The following GPATCH8 variants were observed in gnomAD, a reference collection of about 807,000 sequenced individuals.
GPATCH8 encodes G-patch domain containing 8.
A neutral mutation model predicts 118.3 loss-of-function variants in GPATCH8; 18 were observed. That is an observed-to-expected ratio of 0.15 (90% CI 0.11 to 0.23). The LOEUF (loss-of-function observed/expected upper bound fraction) is 0.23, where lower values mean the gene tolerates loss of function less well. GPATCH8 is among the 10% of genes least tolerant of loss of function. The probability of loss-of-function intolerance (pLI) is 1.00; values close to 1 mark genes in which losing one functional copy is unlikely to be tolerated. For missense variants in GPATCH8, 1,631 were observed against 1,873.8 expected (o/e 0.87, Z 2.39); for synonymous variants, 659 against 684.7 (o/e 0.96, Z 0.59).
chr17:44,421,848 C>T (rs780313535), intron 6 of GPATCH8, among the ~76,000 whole-genome samples: 1 of 151,510 alleles, frequency 6.6e-6, no homozygotes, highest in Non-Finnish European at 1.5e-5. Flanking sequence ...TGCCTCGAAC[C>T]CCCAAGCAGC....
chr17:44,485,833 C>T (rs762570631), intron 1 of GPATCH8, among the ~76,000 whole-genome samples: 17 of 152,172 alleles, frequency 1.1e-4, no homozygotes, highest in Non-Finnish European at 2.9e-5. Flanking sequence ...TTCTTTAAGT[C>T]CAGGTACTCT....
chr17:44,456,005 C>T (rs1442567443), intron 3 of GPATCH8, among the ~76,000 whole-genome samples: 1 of 152,196 alleles, frequency 6.6e-6, no homozygotes, highest in African/African-American at 2.4e-5. Context: ...CCTCGGCCTC[C>T]CAAAGTGCTG....
chr17:44,481,720 T>C (rs1188621137), intron 1 of GPATCH8, among the ~76,000 whole-genome samples: 1 of 152,220 alleles, frequency 6.6e-6, no homozygotes, highest in African/African-American at 2.4e-5. Context: ...AGGCTAAATA[T>C]TTCTGTATTT....
chr17:44,486,604 T>A (rs534575025), intron 1 of GPATCH8: 2 of 152,208 alleles, frequency 1.3e-5, no homozygotes, highest in African/African-American at 4.8e-5. Context: ...TTTTTTAGTA[T>A]ATTGTGGCCC....
At chr17:44,502,128 C>G (rs1970113406) in intron 1 of GPATCH8, among the ~76,000 whole-genome samples, 1 of 152,150 alleles carries the variant, frequency 6.6e-6, no homozygotes, top group African/African-American at 2.4e-5. Context: ...CATAAGCGTT[C>G]TATGTACTAG....
chr17:44,410,345 A>G (rs2049385990), intron 6 of GPATCH8, among the ~76,000 whole-genome samples: 1 of 152,240 alleles, frequency 6.6e-6, no homozygotes, highest in Non-Finnish European at 1.5e-5. Context: ...GAGAAGAGAC[A>G]GCGCTCACAA....
At chr17:44,465,955 A>G (rs947887644) in intron 2 of GPATCH8, 1 of 152,184 alleles carries the variant, frequency 6.6e-6, no homozygotes, top group Non-Finnish European at 1.5e-5. Flanking sequence ...CTGTAAGTTT[A>G]TGACAGCATG....
intron 6 of GPATCH8, among the ~76,000 whole-genome samples, chr17:44,414,141 ATGTG>A (rs1161135890): frequency 0.011 from 1,468 of 133,276 alleles, 38 homozygotes; most frequent in East Asian, 0.071. Context: ...ATATATATAT[ATGTG>A]TATATATATA....
intron 3 of GPATCH8, among the ~76,000 whole-genome samples, chr17:44,458,779 C>T (rs6503371): frequency 0.6 from 91,493 of 151,990 alleles, 27,749 homozygotes; most frequent in Middle Eastern, 0.67. Context: ...CCACCTTGGC[C>T]TCCCAAAGTC....
chr17:44,396,458 T>G lies in GPATCH8; in HGVS notation c.*1110A>C. The stretch of plus-strand genomic sequence containing the variant: ...TACATACTGCAAATTACTTAACATT[T>G]TGTCCCAGCAAAAAATGTTTTAACA... On this transcript the variant is annotated 3_prime_UTR_variant, in exon 8 of 8. Coordinates refer to ENST00000591680, the MANE Select transcript of GPATCH8 (RefSeq NM_001002909.4). The G allele has an allele frequency of 2.2e-6, 1 of 454,218 alleles. No homozygotes were observed. Among genetic ancestry groups the G allele is most frequent in the South Asian group, 1.6e-5 (1 of 64,414 alleles). The allele number at this position is 454,218 out of a possible 1,614,324, so 28.1% of individuals were successfully genotyped here.
At chr17:44,479,824 G>A (rs1406218009) in intron 1 of GPATCH8, among the ~76,000 whole-genome samples, 7 of 151,864 alleles carry the variant, frequency 4.6e-5, no homozygotes, top group Non-Finnish European at 7.4e-5. Context: ...AAAATTAGCC[G>A]GGCATGGTGG....
chr17:44,463,219 C>T (rs1216392740), intron 3 of GPATCH8, among the ~76,000 whole-genome samples: 1 of 152,050 alleles, frequency 6.6e-6, no homozygotes, highest in Admixed American at 6.6e-5. Context: ...TGCACCTGTC[C>T]TTGTGTTCCT....
At chr17:44,475,649 G>A (rs1967704939) in intron 1 of GPATCH8, among the ~76,000 whole-genome samples, 1 of 151,962 alleles carries the variant, frequency 6.6e-6, no homozygotes, top group Non-Finnish European at 1.5e-5. Context: ...AGCCGAGATC[G>A]CACCACTGCA....
chr17:44,467,110 C>G, intron 2 of GPATCH8: 1 of 1,261,796 alleles, frequency 7.9e-7, no homozygotes, highest in Non-Finnish European at 1.0e-6. Flanking sequence ...GCTTTAAAAA[C>G]TGGGCTGTCA....
chr17:44,436,081 T>C (rs10514854), intron 4 of GPATCH8, among the ~76,000 whole-genome samples: 5,970 of 137,688 alleles, frequency 0.043, 177 homozygotes, highest in Middle Eastern at 0.074. Flanking sequence ...GAAGAAAATA[T>C]TTTAGGCAAT....
chr17:44,425,655 A>G (rs2050064496), intron 5 of GPATCH8, among the ~76,000 whole-genome samples: 1 of 152,116 alleles, frequency 6.6e-6, no homozygotes, highest in Non-Finnish European at 1.5e-5. Flanking sequence ...CGGCCTCCCA[A>G]GTATCTTGGA....
Position 44,495,421 on chromosome 17 carries a change from A to T in GPATCH8, c.45+7905T>A, listed in dbSNP as rs1453053676. Among the ~76,000 whole-genome samples, 4 of 152,154 alleles carry T rather than the reference A, an allele frequency of 2.6e-5. No homozygotes were observed. In the East Asian group the frequency reaches 7.7e-4, roughly 29 times the overall value. ...TTAGAGTTATGCATTTATTAGCTAT[A>T]CTGTTTTTCTGATAATCATGCTGGT... On this transcript the variant is annotated intron_variant, in intron 1 of 7. Transcript: ENST00000591680.
In GPATCH8 at chr17:44,397,819, G is replaced by A; in HGVS notation, c.4258C>T (p.His1420Tyr). 2 of 1,589,766 alleles carry A rather than the reference G, an allele frequency of 1.3e-6. No homozygotes were observed. The highest frequency in any genetic ancestry group is 1.7e-6 in the Non-Finnish European group (2 of 1,165,168). ...QPHLTPISLS[H>Y]LTHSIIPGHP... ...CCAGGGATGATTGAGTGAGTGAGGT[G>A]GGACAAAGAAATGGGGGTCAGATGG... is the stretch of plus-strand genomic sequence containing the variant. The change falls in exon 8 of 8, where the codon CAC (histidine) becomes TAC (tyrosine). Residue 1420 changes from histidine (H) to tyrosine (Y), a missense_variant. By Grantham distance (83) the His-to-Tyr change is moderately conservative (BLOSUM62 2). This residue lies in a region of GPATCH8 where 111 missense variants were observed against 112.4 expected (regional missense o/e 0.99). Transcript: ENST00000591680.
intron 5 of GPATCH8, among the ~76,000 whole-genome samples, chr17:44,431,301 G>C (rs1222579488): frequency 6.7e-6 from 1 of 149,438 alleles, no homozygotes; most frequent in Admixed American, 6.7e-5. Flanking sequence ...TTGAAACCAG[G>C]AGGCAAAGGT....
Sources: gnomAD v4.1 joint callset for allele counts (sites outside exome capture counted in the v4.1 genomes callset) on GRCh38, gnomAD v4.1.1 for gene constraint, gnomAD v4.1.1 regional missense constraint, MANE v1.5 for transcripts, NCBI Gene and HGNC (gene_info 2026-07-23, HGNC 2026-07-21) for gene names.